Variants in ITIH6 observed in about 807,000 individuals in gnomAD.
ITIH6 encodes the protein inter-alpha-trypsin inhibitor heavy chain H6.
In ITIH6, 60 loss-of-function variants were observed where a neutral mutation model predicts 58.2. The ratio of observed to expected loss-of-function variants is 1.03; its 90% CI spans 0.84 to 1.28. The LOEUF is 1.28. Ranked by LOEUF, ITIH6 falls within the 50% of genes most tolerant of loss-of-function variation. The pLI is 0.00. For missense variants in ITIH6, 1,290 were observed against 1,021.1 expected, an observed-to-expected ratio of 1.26 and a Z score of -3.59; for synonymous variants, 493 against 417.4, an observed-to-expected ratio of 1.18 and a Z score of -2.21.
intron 5 of ITIH6, among the ~76,000 whole-genome samples, chrX:54,776,535 C>G (rs1211920573): frequency 9.1e-6 from 1 of 109,677 alleles, no homozygotes; most frequent in Admixed American, 9.8e-5. Context: ...AAAAGAGACC[C>G]CTTCATTCTG....
At position 54,749,778 on chromosome X, in the gene ITIH6, G is replaced by T; in HGVS notation, c.*117C>A. 1 of 527,853 alleles carries T rather than the reference G, an allele frequency of 1.9e-6. No individual in the cohort carries two copies. The highest frequency in any genetic ancestry group is 3.1e-6 in the Non-Finnish European group (1 of 319,015). The allele number at this position is 527,853 out of a possible 1,213,427, so 43.5% of individuals were successfully genotyped here. On this transcript the variant is annotated 3_prime_UTR_variant, in exon 13 of 13. Transcript: ENST00000218436. ...TATGTGTTCCTTAGAACATGCGTGAGTCTGTGTGTCCCTGTGTGTGCTTCC... is the reference window on the plus strand; with the variant it reads ...TATGTGTTCCTTAGAACATGCGTGATTCTGTGTGTCCCTGTGTGTGCTTCC...
In ITIH6 at chrX:54,757,412, G is replaced by C. The variant is rs765163481; in HGVS notation, c.2662C>G (p.Pro888Ala). ...NPHMPQTPLP[P>A]RPDRPRPPLP... ...GGGGGCCTTGGTCTGTCAGGTCTAG[G>C]AGGTAGTGGGGTTTGAGGCATATGG... Residue 888 changes from proline (P) to alanine (A), a missense_variant, in exon 8 of 13, where the codon CCT (proline) becomes GCT (alanine). Pro to Ala is a conservative substitution (Grantham distance 27). Transcript: ENST00000218436. 1.3e-5 allele frequency: 16 copies of C among 1,208,888 alleles called. No individual in the cohort carries two copies. In the African/African-American group the frequency reaches 2.5e-4, roughly 19 times the overall value.
chrX:54,793,776 G>T (rs958787093), intron 2 of ITIH6, among the ~76,000 whole-genome samples: 1 of 111,199 alleles, frequency 9.0e-6, no homozygotes, highest in South Asian at 3.8e-4. Flanking sequence ...AGAAAGTTGG[G>T]GTGGTTGAGT....
intron 5 of ITIH6, among the ~76,000 whole-genome samples, chrX:54,774,461 G>A (rs954366078): frequency 4.4e-5 from 5 of 113,135 alleles, no homozygotes; most frequent in Non-Finnish European, 9.4e-5. Context: ...AGGACTCCAA[G>A]GATCAGGATC....
Position 54,758,757 on chromosome X carries a change from G to A in ITIH6, c.1317C>T (p.Arg439=). The A allele has an allele frequency of 1.7e-6, 2 of 1,210,585 alleles. No individual in the cohort carries two copies. The highest frequency in any genetic ancestry group is 1.8e-5 in the South Asian group (1 of 56,818). ...FGDDADFTLL[R]RLSLENRGIA... is the part of the protein sequence containing the mutation. ...TTCCCCGGTTTTCCAGGGACAGGCG[G>A]CGCAGCAGTGTAAAGTCAGCATCAT... The change falls in exon 8 of 13, where the codon CGC becomes CGT. Residue 439 remains arginine, a synonymous_variant. Coordinates refer to ENST00000218436, the MANE Select transcript of ITIH6 (RefSeq NM_198510.3).
Position 54,749,509 on chromosome X carries a change from G to A in ITIH6, c.*386C>T, listed in dbSNP as rs1928306823. On this transcript the variant is annotated 3_prime_UTR_variant, in exon 13 of 13. Transcript: ENST00000218436. ...ATGCAGAAGGAAAAGCACATGCAAT[G>A]GTCCAGTGGTAGGAGTGAGCATGGT... 1 of 143,560 alleles carries A rather than the reference G, an allele frequency of 7.0e-6. No homozygotes were observed. The highest frequency in any genetic ancestry group is 8.2e-5 in the Admixed American group (1 of 12,221). The allele number at this position is 143,560 out of a possible 1,213,427, so 11.8% of individuals were successfully genotyped here.
intron 6 of ITIH6, among the ~76,000 whole-genome samples, chrX:54,773,083 C>A (rs1291821406): frequency 8.9e-6 from 1 of 111,865 alleles, no homozygotes; most frequent in Non-Finnish European, 1.9e-5. Context: ...TCCCTAGGAA[C>A]ATTTTCTTCA....
rs746443258 is a variant in ITIH6 at position 54,761,830 on chromosome X, G to T, written c.904-1903C>A. Among the ~76,000 whole-genome samples, 185 of 111,905 alleles carry T rather than the reference G, an allele frequency of 1.7e-3. 2 individuals are homozygous for T. Among genetic ancestry groups the T allele is most frequent in the African/African-American group, 4.5e-3 (139 of 30,808 alleles). On this transcript the variant is annotated intron_variant, in intron 6 of 12. Coordinates refer to ENST00000218436, the MANE Select transcript of ITIH6 (RefSeq NM_198510.3). Reference sequence around the variant, plus strand: ...TTTGGTACCAGTACCATGCTGTTTTGGTTACTGTAGCCTTGTAGTATAGTT... The same window carrying T: ...TTTGGTACCAGTACCATGCTGTTTTTGTTACTGTAGCCTTGTAGTATAGTT...
chrX:54,773,727 T>A (rs745624971), intron 6 of ITIH6, among the ~76,000 whole-genome samples: 1 of 110,711 alleles, frequency 9.0e-6, no homozygotes, highest in African/African-American at 3.3e-5. Flanking sequence ...ACCCAAAACC[T>A]TGTGGCCTCA....
intron 6 of ITIH6, among the ~76,000 whole-genome samples, chrX:54,768,929 T>G (rs1166667423): frequency 1.8e-5 from 2 of 109,664 alleles, no homozygotes; most frequent in Non-Finnish European, 3.8e-5. Context: ...TTGTCCTGCC[T>G]TGCTAGATTG....
intron 5 of ITIH6, among the ~76,000 whole-genome samples, chrX:54,780,647 G>A (rs1366640310): frequency 9.1e-6 from 1 of 109,744 alleles, no homozygotes; most frequent in Non-Finnish European, 1.9e-5. Flanking sequence ...ATTAGTAGAA[G>A]GAAACAACTA....
At chrX:54,752,504 T>A (rs1251056007) in intron 11 of ITIH6, among the ~76,000 whole-genome samples, 1 of 112,376 alleles carries the variant, frequency 8.9e-6, no homozygotes, top group East Asian at 2.8e-4. Context: ...GTGCAGACCA[T>A]CTACATCAAT....
rs1367225833 is a variant in ITIH6, at chrX:54,757,657, G to C, written c.2417C>G (p.Pro806Arg). 1 of 1,210,844 alleles carries C rather than the reference G, an allele frequency of 8.3e-7. No individual in the cohort carries two copies. Among genetic ancestry groups the C allele is most frequent in the South Asian group, 1.8e-5 (1 of 56,912 alleles). Residue 806 changes from proline to arginine, a missense_variant, in exon 8 of 13, where the codon CCA becomes CGA. Coordinates refer to ENST00000218436, the MANE Select transcript of ITIH6 (RefSeq NM_198510.3). ...ALTSQAPKGL[P>R]QSRPGVSTLQ... The stretch of plus-strand genomic sequence containing the variant: ...TGTAGAGACTCCAGGTCTTGACTGT[G>C]GCAGGCCTTTAGGTGCCTGTGATGT...
At chrX:54,763,714 A>G (rs1301218056) in intron 6 of ITIH6, among the ~76,000 whole-genome samples, 2 of 111,895 alleles carry the variant, frequency 1.8e-5, no homozygotes, top group Non-Finnish European at 3.8e-5. Context: ...CAGTTCAACT[A>G]TGTCCTTACT....
intron 6 of ITIH6, among the ~76,000 whole-genome samples, chrX:54,766,892 T>A (rs1928801902): frequency 9.4e-6 from 1 of 106,833 alleles, no homozygotes; most frequent in Non-Finnish European, 1.9e-5. Flanking sequence ...ATCAGAATGA[T>A]GCTGGCCTCA....
chrX:54,776,505 G>T (rs183813784), intron 5 of ITIH6, among the ~76,000 whole-genome samples: 124 of 109,597 alleles, frequency 1.1e-3, no homozygotes, highest in African/African-American at 3.9e-3. Context: ...CTAACCCCAG[G>T]CTCCACAGCT....
intron 4 of ITIH6, among the ~76,000 whole-genome samples, chrX:54,790,415 G>GGT (rs1435966498): frequency 1.8e-5 from 2 of 112,260 alleles, no homozygotes; most frequent in Non-Finnish European, 3.8e-5. Context: ...GGCCTGAGAT[G>GGT]GTGTCCTCCA....
In ITIH6 at chrX:54,758,674, T is replaced by G. The variant is rs771529623; in HGVS notation, c.1400A>C (p.Glu467Ala). 5 of 1,211,372 alleles carry G rather than the reference T, an allele frequency of 4.1e-6. No individual in the cohort carries two copies. The highest frequency in any genetic ancestry group is 5.6e-6 in the Non-Finnish European group (5 of 895,276). Reference protein sequence around the residue: ...DAALQLKGLYEEISMPLLADV... With the variant: ...DAALQLKGLYAEISMPLLADV... ...TGCCAGCAGAGGCATGGAGATCTCC[T>G]CATAGAGGCCCTTCAGCTGTAGGGC... The change falls in exon 8 of 13, where the codon GAG becomes GCG. Residue 467 changes from glutamate to alanine, a missense_variant. Physicochemically the swap from Glu to Ala is moderately radical, Grantham distance 107. Coordinates refer to ENST00000218436, the MANE Select transcript of ITIH6 (RefSeq NM_198510.3).
At chrX:54,756,925 C>A in intron 8 of ITIH6, 40 bp downstream of exon 8, 7 of 922,055 alleles carry the variant, frequency 7.6e-6, no homozygotes, top group Non-Finnish European at 1.0e-5. Context: ...TCCATTCATA[C>A]CTCACCCTCA....
Sources: allele counts gnomAD v4.1 joint callset (sites outside exome capture counted in the v4.1 genomes callset), GRCh38; gene constraint gnomAD v4.1.1; transcripts MANE v1.5; gene names NCBI Gene and HGNC (gene_info 2026-07-23, HGNC 2026-07-21).